The following LAD1 variants were observed in gnomAD, a reference collection of about 807,000 sequenced individuals.
LAD1 encodes the protein ladinin 1.
Under a neutral mutation model 54.2 loss-of-function variants are expected in LAD1, and 53 were observed. The observed-to-expected ratio is 0.98, with a 90% CI of 0.78 to 1.23. The LOEUF is 1.23. LAD1 is among the 50% of genes most tolerant of loss of function. The pLI is 0.00. For missense variants in LAD1, 637 were observed against 653.3 expected, an observed-to-expected ratio of 0.98 and a Z score of 0.27; for synonymous variants, 231 against 257.7, an observed-to-expected ratio of 0.90 and a Z score of 0.99.
chr1:201,386,836 T>C lies in LAD1; in HGVS notation c.525A>G (p.Glu175=), dbSNP rs2102356685. 1 of 1,613,804 alleles carries C rather than the reference T, an allele frequency of 6.2e-7. No individual in the cohort carries two copies. Among genetic ancestry groups the C allele is most frequent in the Non-Finnish European group, 8.5e-7 (1 of 1,180,002 alleles). Reference sequence around the variant, plus strand: ...AGGACTTCTCCAAGACTGGGGACTTTTCTGGAACCCCTTTCTTCCTCTCTT... The same window carrying C: ...AGGACTTCTCCAAGACTGGGGACTTCTCTGGAACCCCTTTCTTCCTCTCTT... ...EPEERKKGVP[E]KSPVLEKSSM... is the part of the protein sequence containing the mutation. The change falls in exon 3 of 10, where the codon GAA becomes GAG. Residue 175 remains glutamate, a synonymous_variant. Coordinates refer to ENST00000391967, the MANE Select transcript of LAD1 (RefSeq NM_005558.4).
intron 1 of LAD1, among the ~76,000 whole-genome samples, chr1:201,397,567 C>G (rs538555730): frequency 6.6e-6 from 1 of 151,576 alleles, no homozygotes; most frequent in East Asian, 1.9e-4. Flanking sequence ...ACACACCCCC[C>G]CATGCATATC....
chr1:201,397,059 C>A (rs759905845), intron 1 of LAD1, among the ~76,000 whole-genome samples: 3 of 152,210 alleles, frequency 2.0e-5, no homozygotes, highest in Non-Finnish European at 4.4e-5. Context: ...CACTGCCCCC[C>A]CAATCCCAGG....
rs767885699 is a variant in LAD1, at chr1:201,386,462, C to T, written c.899G>A (p.Gly300Glu). The change falls in exon 3 of 10, where the codon GGA becomes GAA. Residue 300 changes from glycine (G) to glutamate (E), a missense_variant. Gly to Glu is a moderately conservative substitution (Grantham distance 98). Transcript: ENST00000391967. ...CTGCTCCTTGGTGGTGGCTGGGCTT[C>T]CCCCAGAGGCTGGCGGCTCCTGCGC... is the stretch of plus-strand genomic sequence containing the variant. ...PLAQEPPASGGSPATTKEQRG... is the reference protein window; with the variant it reads ...PLAQEPPASGESPATTKEQRG... The T allele has an allele frequency of 1.9e-6, 3 of 1,547,450 alleles. No individual in the cohort carries two copies. Among genetic ancestry groups the T allele is most frequent in the Middle Eastern group, 3.5e-4 (2 of 5,726 alleles).
At chr1:201,396,011 C>A (rs1419717816) in intron 1 of LAD1, among the ~76,000 whole-genome samples, 1 of 150,234 alleles carries the variant, frequency 6.7e-6, no homozygotes, top group African/African-American at 2.5e-5. Context: ...GTATTCCCTA[C>A]CCCAGGACAG....
chr1:201,381,557 T>G lies in LAD1; in HGVS notation c.*331A>C. 2.5e-6 allele frequency: 1 copy of G among 403,332 alleles called. No individual in the cohort carries two copies. The highest frequency in any genetic ancestry group is 4.6e-6 in the Non-Finnish European group (1 of 219,068). 25.0% of individuals were successfully genotyped at this position (403,332 alleles called of 1,614,324 possible). ...AGGGGCGCCGTGCCCTGACTGTGGA[T>G]GTGAGCAGGAAGGAGCAGAGGTCTC... On this transcript the variant is annotated 3_prime_UTR_variant, in exon 10 of 10. Coordinates refer to ENST00000391967, the MANE Select transcript of LAD1 (RefSeq NM_005558.4).
chr1:201,397,565 C>G (rs1388797608), intron 1 of LAD1, among the ~76,000 whole-genome samples: 2 of 151,284 alleles, frequency 1.3e-5, no homozygotes, highest in African/African-American at 4.9e-5. Context: ...ACACACACCC[C>G]CCCATGCATA....
Position 201,382,340 on chromosome 1 carries a change from T to A in LAD1, c.1474-14A>T, listed in dbSNP as rs997464231. The A allele has an allele frequency of 6.2e-7, 1 of 1,605,948 alleles. No homozygotes were observed. The highest frequency in any genetic ancestry group is 8.5e-7 in the Non-Finnish European group (1 of 1,172,658). On this transcript the variant is annotated splice_polypyrimidine_tract_variant and intron_variant, in intron 8 of 9. Transcript: ENST00000391967. ...TTTCTGTGCCTCCTGATTGAGGGTA[T>A]CAGGGTGGAGACCAGAGACTAAGAC...
chr1:201,398,232 A>G (rs1302574993), intron 1 of LAD1, among the ~76,000 whole-genome samples: 2 of 152,210 alleles, frequency 1.3e-5, no homozygotes, highest in African/African-American at 2.4e-5. Context: ...AAAACCTGTG[A>G]AAGATGCCTT....
intron 8 of LAD1, 66 bp from the exon 9 acceptor site, chr1:201,382,392 C>CA (rs1661980523): frequency 7.9e-7 from 1 of 1,267,126 alleles, no homozygotes; most frequent in African/African-American, 1.5e-5. Context: ...CGGGATACCC[C>CA]AGGCCCAGCT....
chr1:201,383,326 C>T lies in LAD1; in HGVS notation c.1239G>A (p.Thr413=), dbSNP rs972955692. 4.8e-5 allele frequency: 77 copies of T among 1,613,902 alleles called. No individual in the cohort carries two copies. Among genetic ancestry groups the T allele is most frequent in the African/African-American group, 6.7e-5 (5 of 74,916 alleles). ...KLGEKLERYH[T]AIRRSESVKS... is the part of the protein sequence containing the mutation. ...AGAAGCCCCCACCCACCCGTATGGC[C>T]GTGTGGTATCTCTCCAGCTTCTCTC... Residue 413 remains threonine (T), a synonymous_variant, in exon 6 of 10, where the codon ACG becomes ACA. Transcript: ENST00000391967.
chr1:201,394,620 C>T (rs1031955220), intron 1 of LAD1, among the ~76,000 whole-genome samples: 2 of 152,238 alleles, frequency 1.3e-5, no homozygotes, highest in African/African-American at 4.8e-5. Flanking sequence ...CAAACAGATG[C>T]TCTCTTATAA....
chr1:201,385,511 C>G (rs960457332), intron 4 of LAD1, among the ~76,000 whole-genome samples, 190 bp downstream of exon 4: 2 of 152,218 alleles, frequency 1.3e-5, no homozygotes, highest in Admixed American at 6.5e-5. Flanking sequence ...GCACCTACCC[C>G]CCAGGTTACT....
chr1:201,390,137 C>T (rs2102358546), intron 1 of LAD1, among the ~76,000 whole-genome samples: 1 of 152,012 alleles, frequency 6.6e-6, no homozygotes, highest in East Asian at 2.0e-4. Flanking sequence ...TCAGCTGGTC[C>T]TAGACTCCTG....
intron 2 of LAD1, among the ~76,000 whole-genome samples, chr1:201,388,676 C>T (rs569274872): frequency 6.9e-5 from 9 of 129,896 alleles, no homozygotes; most frequent in African/African-American, 8.8e-5. Context: ...AGCGAGACTT[C>T]GTCTCAAAAA....
chr1:201,383,592 C>G (rs1210965799), intron 5 of LAD1: 5 of 618,494 alleles, frequency 8.1e-6, no homozygotes, highest in African/African-American at 3.7e-5. Context: ...TTCCAAGAAA[C>G]GTCCCATTCA....
intron 2 of LAD1, 68 bp from the exon 3 acceptor site, chr1:201,387,246 A>C (rs1662110783): frequency 7.2e-7 from 1 of 1,397,738 alleles, no homozygotes; most frequent in East Asian, 2.5e-5. Flanking sequence ...TACCTAACCC[A>C]ATGGAGATGC....
chr1:201,390,617 T>C (rs1010974788), intron 1 of LAD1, among the ~76,000 whole-genome samples: 1 of 152,186 alleles, frequency 6.6e-6, no homozygotes. Flanking sequence ...TGGATTAGAC[T>C]GGGGTTTCTC....
intron 1 of LAD1, among the ~76,000 whole-genome samples, chr1:201,390,078 C>G (rs1662172110): frequency 6.6e-6 from 1 of 151,726 alleles, no homozygotes; most frequent in Admixed American, 6.6e-5. Flanking sequence ...CACCACTACA[C>G]CTGGTTAATT....
At chr1:201,389,019 G>T in intron 2 of LAD1, 141 bp downstream of exon 2, 1 of 952,622 alleles carries the variant, frequency 1.0e-6, no homozygotes, top group Non-Finnish European at 1.6e-6. Context: ...GTCTGGGGAA[G>T]GTGGGGAACT....
Sources: allele counts gnomAD v4.1 joint callset (sites outside exome capture counted in the v4.1 genomes callset), GRCh38; gene constraint gnomAD v4.1.1; transcripts MANE v1.5; gene names NCBI Gene and HGNC (gene_info 2026-07-23, HGNC 2026-07-21).